The following CACNA1C variants were observed in gnomAD, a reference collection of about 807,000 sequenced individuals.
CACNA1C encodes calcium voltage-gated channel subunit alpha1 C.
Under a neutral mutation model 229.0 loss-of-function variants are expected in CACNA1C, and 30 were observed. That is an observed-to-expected ratio of 0.13 (90% CI 0.10 to 0.18). The LOEUF (loss-of-function observed/expected upper bound fraction) is 0.18. Among genes scored for constraint, CACNA1C ranks in the 10% least tolerant of loss-of-function variants. The pLI, the probability that CACNA1C is intolerant of heterozygous loss-of-function variation, is 1.00. For missense variants in CACNA1C, 1,658 were observed against 2,845.0 expected (o/e 0.58, Z 9.49); for synonymous variants, 1,114 against 1,132.5 (o/e 0.98, Z 0.33).
At chr12:2,226,585 T>C (rs2063081803) in intron 3 of CACNA1C, among the ~76,000 whole-genome samples, 1 of 152,272 alleles carries the variant, frequency 6.6e-6, no homozygotes, top group Admixed American at 6.5e-5. Flanking sequence ...AAATTACTAT[T>C]TTGTGTCACC....
intron 11 of CACNA1C, among the ~76,000 whole-genome samples, chr12:2,562,421 C>CAGCT (rs1164681729): frequency 6.6e-6 from 1 of 152,192 alleles, no homozygotes; most frequent in African/African-American, 2.4e-5. Context: ...ACTTCACTGT[C>CAGCT]AGCTCTTTAA....
intron 3 of CACNA1C, among the ~76,000 whole-genome samples, chr12:2,438,290 ATGGTGGTGGTGG>A (rs755702533): frequency 8.2e-6 from 1 of 122,650 alleles, no homozygotes; most frequent in South Asian, 2.8e-4. Flanking sequence ...AGTGGTAATG[ATGGTGGTGGTGG>A]TGGTGGTGGT....
At chr12:2,422,124 T>C (rs2098985480) in intron 3 of CACNA1C, among the ~76,000 whole-genome samples, 1 of 152,112 alleles carries the variant, frequency 6.6e-6, no homozygotes. Context: ...CCCATTCAGT[T>C]TCCAAAAAGT....
At chr12:2,455,267 C>G (rs1268975656) in intron 4 of CACNA1C, among the ~76,000 whole-genome samples, 1 of 152,160 alleles carries the variant, frequency 6.6e-6, no homozygotes, top group Admixed American at 6.5e-5. Flanking sequence ...GCAAAATTTC[C>G]CAAAAGACTT....
chr12:2,576,190 G>A (rs556890652), intron 13 of CACNA1C, among the ~76,000 whole-genome samples: 2 of 152,272 alleles, frequency 1.3e-5, no homozygotes, highest in East Asian at 3.9e-4. Context: ...GATAAAACAG[G>A]GAGCCGAGTG....
intron 9 of CACNA1C, among the ~76,000 whole-genome samples, chr12:2,536,512 G>T (rs2099855809): frequency 6.6e-6 from 1 of 152,088 alleles, no homozygotes; most frequent in Admixed American, 6.5e-5. Flanking sequence ...ACCCTCTCTG[G>T]ACCTTAACAT....
chr12:2,416,046 C>T (rs2098891445), intron 3 of CACNA1C, among the ~76,000 whole-genome samples: 1 of 152,144 alleles, frequency 6.6e-6, no homozygotes, highest in South Asian at 2.1e-4. Context: ...GGCGGGACCT[C>T]TTCACGTGTA....
intron 3 of CACNA1C, among the ~76,000 whole-genome samples, chr12:2,140,424 A>G (rs560178438): frequency 6.6e-6 from 1 of 151,424 alleles, no homozygotes; most frequent in South Asian, 2.1e-4. Context: ...CTGAATGAAT[A>G]TGTGAAGAAG....
At chr12:2,607,155 C>T (rs368504889) in intron 26 of CACNA1C, 25 bp downstream of exon 26, 12 of 1,596,532 alleles carry the variant, frequency 7.5e-6, no homozygotes, top group Middle Eastern at 1.7e-4. Context: ...CAAGGCCCCA[C>T]GAGCCCTGAC....
At chr12:2,641,645 C>A in intron 30 of CACNA1C, 1 of 693,768 alleles carries the variant, frequency 1.4e-6, no homozygotes. Flanking sequence ...GTGATTCCAG[C>A]ACAGTCATTC....
intron 3 of CACNA1C, among the ~76,000 whole-genome samples, chr12:2,435,597 C>G (rs563173445): frequency 6.6e-6 from 1 of 152,316 alleles, no homozygotes; most frequent in Admixed American, 6.5e-5. Flanking sequence ...TGGAGTTGCA[C>G]CCCGAGTGCT....
At chr12:2,292,903 G>A (rs1202337241) in intron 3 of CACNA1C, among the ~76,000 whole-genome samples, 3 of 152,018 alleles carry the variant, frequency 2.0e-5, no homozygotes, top group Non-Finnish European at 2.9e-5. Flanking sequence ...AAAGGGGCAT[G>A]CCAGAGAGCT....
intron 9 of CACNA1C, among the ~76,000 whole-genome samples, chr12:2,535,730 A>C (rs1185230448): frequency 6.7e-6 from 1 of 150,104 alleles, no homozygotes; most frequent in South Asian, 2.1e-4. Context: ...AAAAAAAAAA[A>C]AAACCTAAAA....
chr12:2,552,856 G>C (rs1292374531), intron 10 of CACNA1C, among the ~76,000 whole-genome samples: 1 of 152,160 alleles, frequency 6.6e-6, no homozygotes, highest in South Asian at 2.1e-4. Flanking sequence ...AGCATGTGAA[G>C]AGGAGTAGCA....
At chr12:2,209,465 G>T (rs562666555) in intron 3 of CACNA1C, among the ~76,000 whole-genome samples, 1 of 152,298 alleles carries the variant, frequency 6.6e-6, no homozygotes, top group African/African-American at 2.4e-5. Context: ...GCGAGGGAGT[G>T]GGGGAGGCAC....
intron 3 of CACNA1C, among the ~76,000 whole-genome samples, chr12:2,316,588 G>A (rs929538695): frequency 3.9e-5 from 6 of 152,182 alleles, no homozygotes; most frequent in Admixed American, 6.5e-5. Context: ...ACCGTGCCAG[G>A]CTTGGTCTCA....
chr12:2,576,595 C>T (rs1169733577), intron 13 of CACNA1C, among the ~76,000 whole-genome samples: 1 of 152,110 alleles, frequency 6.6e-6, no homozygotes, highest in Non-Finnish European at 1.5e-5. Flanking sequence ...CCATTAACCC[C>T]TCTAGTTTAC....
intron 3 of CACNA1C, among the ~76,000 whole-genome samples, chr12:2,433,539 G>C (rs978111483): frequency 2.0e-5 from 3 of 152,132 alleles, no homozygotes; most frequent in Non-Finnish European, 1.5e-5. Flanking sequence ...ATTTATCCAT[G>C]TACTTCTTTG....
intron 26 of CACNA1C, 141 bp downstream of exon 26, chr12:2,607,271 G>T: frequency 3.7e-5 from 28 of 766,464 alleles, no homozygotes; most frequent in Non-Finnish European, 3.5e-5. Flanking sequence ...GCAGTGAGGT[G>T]TATTTCTAGA....
Sources: allele counts gnomAD v4.1 joint callset (sites outside exome capture counted in the v4.1 genomes callset), GRCh38; gene constraint gnomAD v4.1.1; transcripts MANE v1.5; gene names NCBI Gene and HGNC (gene_info 2026-07-23, HGNC 2026-07-21).